Variants in DEPTOR observed in about 807,000 individuals in gnomAD.
The protein encoded by DEPTOR is DEP domain containing MTOR interacting protein, also known as DEP domain-containing mTOR-interacting protein.
In DEPTOR, 41 loss-of-function variants were observed where a neutral mutation model predicts 41.6. The ratio of observed to expected loss-of-function variants is 0.98; its 90% CI spans 0.77 to 1.28. DEPTOR has a LOEUF of 1.28. Among genes scored for constraint, DEPTOR ranks in the 50% most tolerant of loss-of-function variants. The probability of loss-of-function intolerance (pLI) is 0.00; values close to 1 mark genes in which losing one functional copy is unlikely to be tolerated. For synonymous variants in DEPTOR, 195 were observed against 192.3 expected (o/e 1.01, Z -0.12); for missense variants, 514 against 527.9 (o/e 0.97, Z 0.26).
intron 8 of DEPTOR, among the ~76,000 whole-genome samples, chr8:120,048,691 G>T (rs927255388): frequency 1.3e-5 from 2 of 151,964 alleles, no homozygotes; most frequent in Non-Finnish European, 1.5e-5. Context: ...AAAGAAGTGG[G>T]TATTTTTTGA....
Position 120,009,052 on chromosome 8 carries a change from G to A in DEPTOR, c.1020G>A (p.Trp340Ter). ...AGATTGTTGGTGACGCGGTTGGCTG[G>A]GGTTTTGTGGTGCGAGGAAGTAAGC... Reference protein sequence around the residue: ...TFTIVGDAVGWGFVVRGSKPC... With the variant: ...TFTIVGDAVG The change falls in exon 8 of 9, where the codon TGG (tryptophan) becomes TGA (stop). Residue 340 changes from tryptophan to a stop codon, truncating the protein, a stop_gained. Transcript: ENST00000286234. LOFTEE classifies it high-confidence loss of function. 2 of 1,614,084 alleles carry A rather than the reference G, an allele frequency of 1.2e-6. No homozygotes were observed. The highest frequency in any genetic ancestry group is 1.7e-6 in the Non-Finnish European group (2 of 1,180,008).
rs780296592 is a variant in DEPTOR at position 119,919,658 on chromosome 8, C to A, written c.123-8742C>A. 6.6e-5 allele frequency among the ~76,000 whole-genome samples: 10 copies of A among 152,112 alleles called. No homozygotes were observed. In the South Asian group the frequency reaches 1.0e-3, roughly 16 times the overall value. On this transcript the variant is annotated intron_variant, in intron 1 of 8. Transcript: ENST00000286234. ...ACAGATATTGGCTGTTGCAGAACATCTGGAAAGGAGGAGAGCTGTAGTTTA... is the reference window on the plus strand; with the variant it reads ...ACAGATATTGGCTGTTGCAGAACATATGGAAAGGAGGAGAGCTGTAGTTTA...
intron 1 of DEPTOR, among the ~76,000 whole-genome samples, chr8:119,914,294 G>A (rs960023632): frequency 2.6e-5 from 4 of 151,552 alleles, no homozygotes; most frequent in Admixed American, 2.0e-4. Context: ...TGTCTGCCTC[G>A]GCCTCCCAAA....
In DEPTOR at chr8:120,003,128, T is replaced by C; in HGVS notation, c.925+17T>C. ...CCAAGTCCGGTGAGTGCCCAAAAGG[T>C]GGCCCCGCTCCTAAGACTGTGGGGA... On this transcript the variant is annotated intron_variant, in intron 6 of 8. Transcript: ENST00000286234. The C allele has an allele frequency of 6.2e-7, 1 of 1,609,078 alleles. No individual in the cohort carries two copies. Among genetic ancestry groups the C allele is most frequent in the Non-Finnish European group, 8.5e-7 (1 of 1,179,346 alleles).
At chr8:120,019,968 G>T (rs1812674083) in intron 8 of DEPTOR, among the ~76,000 whole-genome samples, 1 of 152,028 alleles carries the variant, frequency 6.6e-6, no homozygotes, top group South Asian at 2.1e-4. Flanking sequence ...GATTTCATTG[G>T]ATTTCACCTT....
At chr8:119,969,345 G>GTTT (rs1418719836) in intron 4 of DEPTOR, among the ~76,000 whole-genome samples, 7 of 148,408 alleles carry the variant, frequency 4.7e-5, no homozygotes, top group African/African-American at 1.0e-4. Context: ...TAATAAATCT[G>GTTT]TTTTGTTTTT....
In DEPTOR at chr8:119,983,324, T is replaced by C. The variant is rs1020134653; in HGVS notation, c.604+17914T>C. On this transcript the variant is annotated intron_variant, in intron 4 of 8. Coordinates refer to ENST00000286234, the MANE Select transcript of DEPTOR (RefSeq NM_022783.4). Reference sequence around the variant, plus strand: ...GGAGTGCAGTGGTGCAATCTTGGCTTACTGCAACCGAGTAGCTGGGATTAC... The same window carrying C: ...GGAGTGCAGTGGTGCAATCTTGGCTCACTGCAACCGAGTAGCTGGGATTAC... 4.6e-4 allele frequency among the ~76,000 whole-genome samples: 70 copies of C among 152,084 alleles called. 1 individual carries two copies. The highest frequency in any genetic ancestry group is 3.4e-3 in the Middle Eastern group (1 of 294).
intron 1 of DEPTOR, among the ~76,000 whole-genome samples, chr8:119,891,791 G>C (rs1827455777): frequency 6.6e-6 from 1 of 151,782 alleles, no homozygotes; most frequent in Non-Finnish European, 1.5e-5. Context: ...CTCAGAGAGA[G>C]TCCCAGCCAA....
intron 3 of DEPTOR, among the ~76,000 whole-genome samples, chr8:119,958,157 C>T (rs77852353): frequency 0.058 from 8,836 of 152,220 alleles, 309 homozygotes; most frequent in South Asian, 0.19. Flanking sequence ...ACATGGTTTG[C>T]GTGGTGGTTA....
intron 6 of DEPTOR, 25 bp from the exon 7 acceptor site, chr8:120,006,780 T>C: frequency 6.2e-7 from 1 of 1,611,714 alleles, no homozygotes; most frequent in Non-Finnish European, 8.5e-7. Flanking sequence ...AGTGCTTATG[T>C]CTTGACATTG....
At position 120,030,497 on chromosome 8, in the gene DEPTOR, G is replaced by GTTTTTTTTTTTTTTTTTTTT. The variant is rs1171655489; in HGVS notation, c.1102-19070_1102-19051dup. On this transcript the variant is annotated intron_variant, in intron 8 of 8. Coordinates refer to ENST00000286234, the MANE Select transcript of DEPTOR (RefSeq NM_022783.4). ...AATGATGTATTGTGTAGGTTCATCA[G>GTTTTTTTTTTTTTTTTTTTT]TTTTTTTTTTTTTTTTTTTTTTTTT... 3.4e-3 allele frequency among the ~76,000 whole-genome samples: 158 copies of GTTTTTTTTTTTTTTTTTTTT among 46,210 alleles called. 39 individuals are homozygous for GTTTTTTTTTTTTTTTTTTTT. Among genetic ancestry groups the GTTTTTTTTTTTTTTTTTTTT allele is most frequent in the South Asian group, 4.9e-3 (4 of 824 alleles). 30.3% of individuals were successfully genotyped at this position (46,210 alleles called of 152,430 possible). A position where few individuals can be genotyped will look rare whatever the true frequency, so the allele number is the denominator to read the frequency against.
chr8:120,027,918 G>A (rs777481689), intron 8 of DEPTOR, among the ~76,000 whole-genome samples: 7 of 152,062 alleles, frequency 4.6e-5, no homozygotes, highest in East Asian at 3.9e-4. Flanking sequence ...GACTCAGTTG[G>A]TCTGGGGTAA....
At chr8:119,978,602 CT>C (rs1041252915) in intron 4 of DEPTOR, among the ~76,000 whole-genome samples, 1 of 152,106 alleles carries the variant, frequency 6.6e-6, no homozygotes, top group African/African-American at 2.4e-5. Flanking sequence ...GACCTTTTTT[CT>C]AGCCCTGACC....
intron 4 of DEPTOR, among the ~76,000 whole-genome samples, chr8:119,991,469 C>G (rs1354598378): frequency 6.6e-6 from 1 of 152,142 alleles, no homozygotes; most frequent in Non-Finnish European, 1.5e-5. Flanking sequence ...GCGTGTGCCA[C>G]CACACCGGGC....
At chr8:119,920,426 A>G (rs1827875040) in intron 1 of DEPTOR, among the ~76,000 whole-genome samples, 1 of 152,184 alleles carries the variant, frequency 6.6e-6, no homozygotes, top group Non-Finnish European at 1.5e-5. Flanking sequence ...TAGAGGAGAG[A>G]GAAGGCTGTT....
chr8:119,964,194 C>A (rs151053363), intron 3 of DEPTOR, among the ~76,000 whole-genome samples: 51 of 152,128 alleles, frequency 3.4e-4, no homozygotes, highest in Non-Finnish European at 6.3e-4. Context: ...AATGTCATCA[C>A]ATTAGCGACT....
chr8:119,915,359 G>A (rs1007388725), intron 1 of DEPTOR, among the ~76,000 whole-genome samples: 1 of 152,110 alleles, frequency 6.6e-6, no homozygotes, highest in Non-Finnish European at 1.5e-5. Context: ...TTCTTCTCAG[G>A]GAAGAAGTTT....
intron 3 of DEPTOR, among the ~76,000 whole-genome samples, chr8:119,939,873 A>G (rs1828179130): frequency 6.6e-6 from 1 of 151,830 alleles, no homozygotes; most frequent in African/African-American, 2.4e-5. Context: ...GGAATGTAAG[A>G]TGGTGCAGCA....
chr8:120,025,468 G>A (rs1446534301), intron 8 of DEPTOR, among the ~76,000 whole-genome samples: 2 of 152,120 alleles, frequency 1.3e-5, no homozygotes, highest in African/African-American at 4.8e-5. Context: ...AGCCAAAATG[G>A]GAAAACATTT....
Sources: gnomAD v4.1 joint callset for allele counts (sites outside exome capture counted in the v4.1 genomes callset) on GRCh38, gnomAD v4.1.1 for gene constraint, MANE v1.5 for transcripts, NCBI Gene and HGNC (gene_info 2026-07-23, HGNC 2026-07-21) for gene names.